The following ZAP70 variants were observed in gnomAD, a reference collection of about 807,000 sequenced individuals.
The protein encoded by ZAP70 is zeta chain of T cell receptor associated protein kinase 70.
Under a neutral mutation model 65.8 loss-of-function variants are expected in ZAP70, and 27 were observed. The ratio of observed to expected loss-of-function variants is 0.41; its 90% CI spans 0.30 to 0.57. The LOEUF (loss-of-function observed/expected upper bound fraction) is 0.57. ZAP70 is among the 20% of genes least tolerant of loss of function. ZAP70 has a pLI of 0.28. For synonymous variants in ZAP70, 363 were observed against 360.8 expected (o/e 1.01, Z -0.07); for missense variants, 696 against 870.5 (o/e 0.80, Z 2.52).
chr2:97,734,866 C>G (rs961818669), intron 9 of ZAP70, 154 bp downstream of exon 9: 5 of 1,061,960 alleles, frequency 4.7e-6, no homozygotes, highest in African/African-American at 1.6e-5. Context: ...GGAGGATTCC[C>G]TGAGAGAGCT....
intron 4 of ZAP70, among the ~76,000 whole-genome samples, chr2:97,729,251 T>C (rs1677509406): frequency 6.6e-6 from 1 of 152,240 alleles, no homozygotes; most frequent in Non-Finnish European, 1.5e-5. Context: ...CCTCATTTTA[T>C]ACATAAGGAA....
At chr2:97,741,331 C>T (rs1292476605), downstream of ZAP70, among the ~76,000 whole-genome samples, 2 of 152,216 alleles carry the variant, frequency 1.3e-5, no homozygotes, top group African/African-American at 2.4e-5. Context: ...GGGTTTCCAG[C>T]GCCCACGCGG....
chr2:97,744,357 T>C (rs1444041233), downstream of ZAP70, among the ~76,000 whole-genome samples: 2 of 152,094 alleles, frequency 1.3e-5, no homozygotes, highest in African/African-American at 4.8e-5. Flanking sequence ...ACTGGCAGAT[T>C]AGCTCGGTAT....
At chr2:97,740,199 C>T (rs1191621807), downstream of ZAP70, among the ~76,000 whole-genome samples, 2 of 152,168 alleles carry the variant, frequency 1.3e-5, no homozygotes, top group Non-Finnish European at 2.9e-5. Flanking sequence ...CCCCATCCAG[C>T]TGGGGTCTTC....
At position 97,739,456 on chromosome 2, in the gene ZAP70, G is replaced by A. The variant is rs1248297399; in HGVS notation, c.1818G>A (p.Gly606=). ...CYYSLASKVE[G]PPGSTQKAEA... Reference sequence around the variant, plus strand: ...ACAGCCTGGCCAGCAAGGTGGAAGGGCCCCCAGGCAGCACACAGAAGGCTG... The same window carrying A: ...ACAGCCTGGCCAGCAAGGTGGAAGGACCCCCAGGCAGCACACAGAAGGCTG... The change falls in exon 14 of 14, where the codon GGG becomes GGA. Residue 606 remains glycine (G), a synonymous_variant. Transcript: ENST00000264972. 1.9e-6 allele frequency: 3 copies of A among 1,613,720 alleles called. No homozygotes were observed. In the Admixed American group the frequency reaches 5.0e-5, roughly 27 times the overall value.
the ZAP70 span, among the ~76,000 whole-genome samples, chr2:97,754,354 A>G: frequency 9.1e-3 from 1,392 of 152,250 alleles, 7 homozygotes; most frequent in South Asian, 0.026. Flanking sequence ...TTTAGAATCA[A>G]TTCCTGAGAT....
the ZAP70 span, among the ~76,000 whole-genome samples, chr2:97,750,616 G>C: frequency 6.6e-6 from 1 of 152,232 alleles, no homozygotes; most frequent in African/African-American, 2.4e-5. Context: ...CCTCGTAACA[G>C]GTCTGCAAGA....
rs1427045126 is a variant in ZAP70, at chr2:97,737,444, A to C, written c.1290-29A>C. 6.2e-7 allele frequency: 1 copy of C among 1,613,506 alleles called. No homozygotes were observed. Among genetic ancestry groups the C allele is most frequent in the Non-Finnish European group, 8.5e-7 (1 of 1,179,484 alleles). On this transcript the variant is annotated intron_variant, in intron 10 of 13. Transcript: ENST00000264972. The surrounding 1 kb of genome is among the most constrained non-coding windows in gnomAD (Gnocchi z 5.0). The stretch of plus-strand genomic sequence containing the variant: ...CTGGGAACTTGGCTAGTCTTCTCCC[A>C]GCTGACCCCGCCTTCCCCGCCACCC...
chr2:97,721,101 C>G (rs1677136757), intron 2 of ZAP70, among the ~76,000 whole-genome samples: 1 of 152,110 alleles, frequency 6.6e-6, no homozygotes, highest in Non-Finnish European at 1.5e-5. Context: ...GGTATTTTTT[C>G]CCAACATTCT....
chr2:97,747,538 A>G, the ZAP70 span, among the ~76,000 whole-genome samples: 1 of 152,148 alleles, frequency 6.6e-6, no homozygotes, highest in South Asian at 2.1e-4. Context: ...CAGAAGGTAG[A>G]TAGTGGTTGC....
At chr2:97,728,330 G>C (rs1284166513) in intron 4 of ZAP70, among the ~76,000 whole-genome samples, 1 of 152,232 alleles carries the variant, frequency 6.6e-6, no homozygotes, top group Non-Finnish European at 1.5e-5. Flanking sequence ...GCACAGCATA[G>C]AGCGTGTGGC....
At chr2:97,725,009 C>G in intron 3 of ZAP70, 83 bp from the exon 4 acceptor site, 1 of 1,590,852 alleles carries the variant, frequency 6.3e-7, no homozygotes, top group East Asian at 2.3e-5. Flanking sequence ...GTGGGGAGTC[C>G]TCTGGGACAG....
At chr2:97,738,171 G>T (rs2104705584) in intron 13 of ZAP70, 64 bp downstream of exon 13, 1 of 1,451,964 alleles carries the variant, frequency 6.9e-7, no homozygotes, top group East Asian at 2.5e-5. Context: ...TGCCCGATGA[G>T]TTGATGTCAA....
At chr2:97,734,793 C>T (rs768529454) in intron 9 of ZAP70, 81 bp downstream of exon 9, 25 of 1,558,732 alleles carry the variant, frequency 1.6e-5, no homozygotes, top group African/African-American at 4.1e-5. Context: ...GGACGGGAGC[C>T]GGGATGTCTG....
intron 4 of ZAP70, 39 bp from the exon 5 acceptor site, chr2:97,732,844 G>A (rs767156940): frequency 1.2e-6 from 2 of 1,612,832 alleles, no homozygotes; most frequent in South Asian, 2.2e-5. Flanking sequence ...AGGCCCCCAG[G>A]TGGCTCTAGG....
chr2:97,739,035 G>T (rs1244481829), intron 13 of ZAP70, among the ~76,000 whole-genome samples: 2 of 152,152 alleles, frequency 1.3e-5, no homozygotes, highest in African/African-American at 4.8e-5. Flanking sequence ...CATGCACAGA[G>T]CATCAGCTTT....
rs1677401024 is a variant in ZAP70 at position 97,726,693 on chromosome 2, C to T, written c.563+1441C>T. On this transcript the variant is annotated intron_variant, in intron 4 of 13. Transcript: ENST00000264972. ...GGCTGATAAAATAACTCTTTTCACC[C>T]TACCATACAGATTCAGATTTAGGCT... Among the ~76,000 whole-genome samples, 4 of 152,246 alleles carry T rather than the reference C, an allele frequency of 2.6e-5. No individual in the cohort carries two copies. The South Asian group carries it at 8.3e-4, about 31-fold the overall frequency.
the ZAP70 span, among the ~76,000 whole-genome samples, chr2:97,745,291 G>A: frequency 6.6e-6 from 1 of 152,168 alleles, no homozygotes; most frequent in Non-Finnish European, 1.5e-5. Flanking sequence ...CACCTGCCTT[G>A]GCCTCCCAAA....
At chr2:97,716,063 G>A (rs1455730997) in intron 2 of ZAP70, among the ~76,000 whole-genome samples, 1 of 152,182 alleles carries the variant, frequency 6.6e-6, no homozygotes, top group Non-Finnish European at 1.5e-5. Flanking sequence ...AGGCTGGGGA[G>A]GGGGCAGGGC....
Sources: allele counts gnomAD v4.1 joint callset (sites outside exome capture counted in the v4.1 genomes callset), GRCh38; gene constraint gnomAD v4.1.1; non-coding constraint Gnocchi (gnomAD v3.1); transcripts MANE v1.5; gene names NCBI Gene and HGNC (gene_info 2026-07-23, HGNC 2026-07-21).